COL4A2: variants seen among roughly 807,000 people sequenced by gnomAD.
The protein encoded by COL4A2 is collagen alpha-2(IV) chain.
A neutral mutation model predicts 200.2 loss-of-function variants in COL4A2; 99 were observed. The observed-to-expected ratio is 0.49, with a 90% confidence interval of 0.42 to 0.58. COL4A2 has a LOEUF of 0.58. Among genes scored for constraint, COL4A2 ranks in the 20% least tolerant of loss-of-function variants. The pLI is 0.00. For missense variants in COL4A2, 1,950 were observed against 2,314.1 expected, an observed-to-expected ratio of 0.84 and a Z score of 3.23; for synonymous variants, 897 against 900.6, an observed-to-expected ratio of 1.00 and a Z score of 0.07.
intron 24 of COL4A2, among the ~76,000 whole-genome samples, chr13:110,464,771 A>G (rs1882167672): frequency 6.6e-6 from 1 of 152,128 alleles, no homozygotes; most frequent in African/African-American, 2.4e-5. Context: ...ACGTGGGGAC[A>G]GCACCGAGCC....
chr13:110,450,388 C>A lies in COL4A2; in HGVS notation c.1273C>A (p.Pro425Thr). The A allele has an allele frequency of 6.2e-7, 1 of 1,614,078 alleles. No individual in the cohort carries two copies. The highest frequency in any genetic ancestry group is 8.5e-7 in the Non-Finnish European group (1 of 1,180,008). The change falls in exon 20 of 48, where the codon CCT (proline) becomes ACT (threonine). Residue 425 changes from proline (P) to threonine (T), a missense_variant. By Grantham distance (38) the Pro-to-Thr change is conservative. This residue lies in a region of COL4A2 where 565 missense variants were observed against 593.5 expected (regional missense o/e 0.95). Coordinates refer to ENST00000360467, the MANE Select transcript of COL4A2 (RefSeq NM_001846.4). ...CATCCCTGCGCTCTACGGGGGCCCACCTGGACCTGATGGAAAGCGAGGGCC... is the reference window on the plus strand; with the variant it reads ...CATCCCTGCGCTCTACGGGGGCCCAACTGGACCTGATGGAAAGCGAGGGCC... The part of the protein sequence containing the change: ...PGIPALYGGP[P>T]GPDGKRGPPG...
intron 3 of COL4A2, among the ~76,000 whole-genome samples, chr13:110,341,290 A>T (rs1360856382): frequency 6.6e-6 from 1 of 152,208 alleles, no homozygotes; most frequent in Non-Finnish European, 1.5e-5. Flanking sequence ...GCTTTCTGTC[A>T]TGTTCCCACC....
At chr13:110,453,017 C>T (rs770812747) in intron 20 of COL4A2, among the ~76,000 whole-genome samples, 5 of 152,092 alleles carry the variant, frequency 3.3e-5, no homozygotes, top group African/African-American at 4.8e-5. Flanking sequence ...CTGCCCACCT[C>T]GGCCTCCCAG....
chr13:110,386,211 T>C (rs1423034283), intron 4 of COL4A2, among the ~76,000 whole-genome samples: 1 of 152,228 alleles, frequency 6.6e-6, no homozygotes, highest in East Asian at 1.9e-4. Context: ...GCGGATACAC[T>C]GGTTAAAGTG....
intron 3 of COL4A2, among the ~76,000 whole-genome samples, chr13:110,327,830 A>C (rs1256008537): frequency 6.6e-6 from 1 of 152,204 alleles, no homozygotes; most frequent in Non-Finnish European, 1.5e-5. Flanking sequence ...TCATCTTTTA[A>C]AACTTAACGC....
Position 110,424,799 on chromosome 13 carries a change from A to C in COL4A2, c.246A>C (p.Gly82=), listed in dbSNP as rs1267827384. ...CACCAGGATTACAAGGATTCCCGGG[A>C]CTGCAGGGACGTAAAGGAGACAAGG... ...NGPPGLQGFP[G]LQGRKGDKGE... is the part of the protein sequence containing the mutation. The change falls in exon 5 of 48, where the codon GGA becomes GGC. Residue 82 remains glycine (G), a synonymous_variant. Transcript: ENST00000360467. The C allele has an allele frequency of 9.9e-6, 16 of 1,609,154 alleles. No individual in the cohort carries two copies. The highest frequency in any genetic ancestry group is 1.4e-5 in the Non-Finnish European group (16 of 1,175,502).
chr13:110,503,909 C>T lies in COL4A2; in HGVS notation c.4201C>T (p.Pro1401Ser), dbSNP rs766197459. 6.8e-6 allele frequency: 11 copies of T among 1,612,832 alleles called. 1 individual carries two copies. In the South Asian group the frequency reaches 8.8e-5, roughly 13 times the overall value. The change falls in exon 44 of 48, where the codon CCA (proline) becomes TCA (serine). Residue 1401 changes from proline to serine, a missense_variant. Pro to Ser is a moderately conservative substitution (Grantham distance 74). Coordinates refer to ENST00000360467, the MANE Select transcript of COL4A2 (RefSeq NM_001846.4). ...AATCCCCCAGAAGATTGCCGTCCAACCAGGGACAGTGGGTCCCCAGGGGAG... is the reference window on the plus strand; with the variant it reads ...AATCCCCCAGAAGATTGCCGTCCAATCAGGGACAGTGGGTCCCCAGGGGAG... ...AGIPQKIAVQ[P>S]GTVGPQGRRG... is the part of the protein sequence containing the mutation.
At chr13:110,445,723 T>A in intron 16 of COL4A2, 106 bp from the exon 17 acceptor site, 1 of 1,420,138 alleles carries the variant, frequency 7.0e-7, no homozygotes, top group East Asian at 2.3e-5. Context: ...AATACATGAC[T>A]TTAATAAACT....
chr13:110,479,186 G>C (rs1019189191), intron 30 of COL4A2, among the ~76,000 whole-genome samples: 1 of 152,192 alleles, frequency 6.6e-6, no homozygotes, highest in East Asian at 1.9e-4. Context: ...GCTGAACACA[G>C]CGTCGTGTGG....
chr13:110,337,962 C>T (rs944839363), intron 3 of COL4A2, among the ~76,000 whole-genome samples: 3 of 152,158 alleles, frequency 2.0e-5, no homozygotes, highest in Non-Finnish European at 4.4e-5. Context: ...AGTTCCTTTT[C>T]TTGTTGCTTT....
At chr13:110,325,534 G>A (rs1290406264) in intron 3 of COL4A2, among the ~76,000 whole-genome samples, 9 of 152,108 alleles carry the variant, frequency 5.9e-5, no homozygotes, top group East Asian at 3.9e-4. Flanking sequence ...CAGGGAAATC[G>A]TATTGGAAGA....
At chr13:110,344,482 G>T (rs1409594801) in intron 3 of COL4A2, among the ~76,000 whole-genome samples, 1 of 152,282 alleles carries the variant, frequency 6.6e-6, no homozygotes, top group East Asian at 1.9e-4. Context: ...TAGGTAATTG[G>T]AACAGAAGAG....
chr13:110,491,579 C>A (rs186491383), intron 37 of COL4A2, among the ~76,000 whole-genome samples: 2 of 152,194 alleles, frequency 1.3e-5, no homozygotes, highest in Admixed American at 1.3e-4. Flanking sequence ...AGTGCCTCTT[C>A]GGTTGAGCCT....
chr13:110,458,832 G>A lies in COL4A2; in HGVS notation c.1494G>A (p.Leu498=), dbSNP rs1158472878. 1 of 1,613,866 alleles carries A rather than the reference G, an allele frequency of 6.2e-7. No homozygotes were observed. Among genetic ancestry groups the A allele is most frequent in the Non-Finnish European group, 8.5e-7 (1 of 1,179,906 alleles). ...AAGCTATCAAAGGTCTTCCGGGACT[G>A]CCAGGACCCAAGGGCTTCGCAGGCA... ...GDEAIKGLPG[L]PGPKGFAGIN... The change falls in exon 22 of 48, where the codon CTG becomes CTA. Residue 498 remains leucine (L), a synonymous_variant. Coordinates refer to ENST00000360467, the MANE Select transcript of COL4A2 (RefSeq NM_001846.4).
At chr13:110,448,719 C>CAT (rs1555329536) in intron 18 of COL4A2, among the ~76,000 whole-genome samples, 3 of 152,048 alleles carry the variant, frequency 2.0e-5, no homozygotes, top group South Asian at 2.1e-4. Context: ...TTTATGGAAT[C>CAT]AACAATGGCT....
intron 3 of COL4A2, among the ~76,000 whole-genome samples, chr13:110,318,972 G>C (rs1009959430): frequency 2.0e-5 from 3 of 152,110 alleles, no homozygotes; most frequent in Non-Finnish European, 2.9e-5. Context: ...GGTTCTGCAG[G>C]TGAAATTGTC....
At chr13:110,465,900 C>A in intron 25 of COL4A2, 103 bp from the exon 26 acceptor site, 1 of 1,382,544 alleles carries the variant, frequency 7.2e-7, no homozygotes, top group Non-Finnish European at 9.9e-7. Context: ...CCCCCACCAG[C>A]AACATATACG....
chr13:110,433,538 A>G (rs1036761228), intron 11 of COL4A2, among the ~76,000 whole-genome samples: 1 of 152,254 alleles, frequency 6.6e-6, no homozygotes, highest in African/African-American at 2.4e-5. Flanking sequence ...GGGAAGAAGC[A>G]AAAGGCAAAA....
intron 24 of COL4A2, among the ~76,000 whole-genome samples, chr13:110,464,176 A>G (rs1405708756): frequency 6.6e-6 from 1 of 152,040 alleles, no homozygotes; most frequent in Non-Finnish European, 1.5e-5. Context: ...CAGGAGGTGC[A>G]CCTGTCCAGC....
Sources: gnomAD v4.1 joint callset for allele counts (sites outside exome capture counted in the v4.1 genomes callset) on GRCh38, gnomAD v4.1.1 for gene constraint, gnomAD v4.1.1 regional missense constraint, MANE v1.5 for transcripts, NCBI Gene and HGNC (gene_info 2026-07-23, HGNC 2026-07-21) for gene names.